Variants in DCST1 observed in about 807,000 individuals in gnomAD.
The protein encoded by DCST1 is DC-STAMP domain containing 1, also known as E3 ubiquitin-protein ligase DCST1.
In DCST1, 78 loss-of-function variants were observed where a neutral mutation model predicts 89.1. The ratio of observed to expected loss-of-function variants is 0.88; its 90% CI spans 0.73 to 1.06. The LOEUF is 1.06. Ranked by LOEUF, DCST1 falls within the 50% of genes least tolerant of loss-of-function variation. DCST1 has a pLI of 0.00. For missense variants in DCST1, 900 were observed against 928.6 expected (o/e 0.97, Z 0.40); for synonymous variants, 364 against 371.9 (o/e 0.98, Z 0.24).
At chr1:155,048,731 G>A (rs1660745163) in intron 16 of DCST1, among the ~76,000 whole-genome samples, 1 of 151,790 alleles carries the variant, frequency 6.6e-6, no homozygotes, top group African/African-American at 2.4e-5. Flanking sequence ...TTAGGAAGCA[G>A]GCAGAAAAGG....
Position 155,034,297 on chromosome 1 carries a change from T to A in DCST1, c.62-138T>A, listed in dbSNP as rs754697415. 3 of 1,595,004 alleles carry A rather than the reference T, an allele frequency of 1.9e-6. No homozygotes were observed. In the South Asian group the frequency reaches 3.3e-5, roughly 18 times the overall value. Reference sequence around the variant, plus strand: ...ACCACTTCCTCAGGCTCCCTCATCCTCCTCCAGGGTCCCCTAAGTTCCTAC... The same window carrying A: ...ACCACTTCCTCAGGCTCCCTCATCCACCTCCAGGGTCCCCTAAGTTCCTAC... On this transcript the variant is annotated intron_variant, in intron 2 of 16. Transcript: ENST00000295542.
chr1:155,047,681 A>G, intron 14 of DCST1, 106 bp from the exon 15 acceptor site: 1 of 988,106 alleles, frequency 1.0e-6, no homozygotes, highest in Non-Finnish European at 1.5e-6. Context: ...GGAGGAGAGC[A>G]GGGGAATCAG....
chr1:155,043,763 C>G (rs977260386), intron 10 of DCST1, among the ~76,000 whole-genome samples: 2 of 152,200 alleles, frequency 1.3e-5, no homozygotes, highest in Admixed American at 6.6e-5. Flanking sequence ...TATCCCAATA[C>G]TGATTTTTTT....
chr1:155,034,630 T>C, intron 3 of DCST1, 23 bp from the exon 4 acceptor site: 1 of 1,614,174 alleles, frequency 6.2e-7, no homozygotes, highest in South Asian at 1.1e-5. Context: ...CTTTTGGCCT[T>C]TGGCTTGACC....
chr1:155,041,023 T>C (rs1273602324), intron 6 of DCST1, among the ~76,000 whole-genome samples: 1 of 151,430 alleles, frequency 6.6e-6, no homozygotes, highest in East Asian at 1.9e-4. Context: ...ACATGGGGGC[T>C]GAGGGGTTTG....
chr1:155,039,662 T>C (rs1291745219), intron 5 of DCST1, 131 bp downstream of exon 5: 2 of 1,233,592 alleles, frequency 1.6e-6, no homozygotes, highest in Admixed American at 3.2e-5. Context: ...TGTATGTCCC[T>C]GAGGGAGCTC....
At position 155,034,439 on chromosome 1, in the gene DCST1, G is replaced by T; in HGVS notation, c.66G>T (p.Val22=). 6.2e-7 allele frequency: 1 copy of T among 1,614,048 alleles called. No homozygotes were observed. Among genetic ancestry groups the T allele is most frequent in the Non-Finnish European group, 8.5e-7 (1 of 1,180,038 alleles). ...GQRRKQPHTT[V]QRLLTWGLPV... ...GCTACCCTGTCCCCCTCTTAGCGGT[G>T]CAGAGGCTCCTGACCTGGGGGCTGC... is the stretch of plus-strand genomic sequence containing the variant. The change falls in exon 3 of 17, where the codon GTG becomes GTT. Residue 22 remains valine, a synonymous_variant. Coordinates refer to ENST00000295542, the MANE Select transcript of DCST1 (RefSeq NM_152494.4).
chr1:155,035,393 C>T (rs1046277923), intron 4 of DCST1, among the ~76,000 whole-genome samples: 1 of 152,128 alleles, frequency 6.6e-6, no homozygotes, highest in Non-Finnish European at 1.5e-5. Context: ...AACTTCTGAC[C>T]TCAAAAGATC....
intron 4 of DCST1, among the ~76,000 whole-genome samples, chr1:155,035,422 A>G (rs1327150138): frequency 1.3e-5 from 2 of 151,954 alleles, no homozygotes; most frequent in African/African-American, 2.4e-5. Context: ...TCGGCCTCCC[A>G]AAGTTCTGGG....
intron 13 of DCST1, among the ~76,000 whole-genome samples, chr1:155,046,950 C>A (rs571154037): frequency 6.6e-6 from 1 of 152,254 alleles, no homozygotes; most frequent in Admixed American, 6.5e-5. Context: ...CAGCCCCTCC[C>A]TGTCCTCCTC....
intron 14 of DCST1, 43 bp from the exon 15 acceptor site, chr1:155,047,744 C>T (rs377078307): frequency 1.3e-6 from 2 of 1,597,478 alleles, no homozygotes; most frequent in African/African-American, 2.7e-5. Context: ...TGCCCTGCCC[C>T]TTGGCTGGTC....
chr1:155,041,885 G>T, intron 8 of DCST1, 28 bp downstream of exon 8: 1 of 1,613,520 alleles, frequency 6.2e-7, no homozygotes, highest in East Asian at 2.2e-5. Context: ...GGGGTGGGGA[G>T]CATCGGGGTA....
intron 8 of DCST1, among the ~76,000 whole-genome samples, chr1:155,042,359 A>T (rs1286195174): frequency 6.6e-6 from 1 of 152,152 alleles, no homozygotes; most frequent in Non-Finnish European, 1.5e-5. Flanking sequence ...TCAGCCTCCC[A>T]AAGTGCTGGG....
rs557969013 is a variant in DCST1 at position 155,042,432 on chromosome 1, C to T, written c.893-303C>T. The stretch of plus-strand genomic sequence containing the variant: ...GGCTTTTAAGGATTTATGGGGCTAA[C>T]GTATGTGAAGGCAGTGGCAGAGCTG... On this transcript the variant is annotated intron_variant, in intron 8 of 16. Transcript: ENST00000295542. Among the ~76,000 whole-genome samples the T allele has an allele frequency of 3.7e-4, 56 of 152,284 alleles. 1 individual carries two copies. In the South Asian group the frequency reaches 0.011, roughly 29 times the overall value.
intron 10 of DCST1, among the ~76,000 whole-genome samples, 175 bp downstream of exon 10, chr1:155,043,684 G>A (rs952891070): frequency 6.6e-6 from 1 of 152,088 alleles, no homozygotes; most frequent in Admixed American, 6.5e-5. Flanking sequence ...TTTGTCAGAA[G>A]AACATTACCC....
chr1:155,043,421 T>TACGTGTACC lies in DCST1; in HGVS notation c.1085_1093dup (p.Tyr364_Arg365insHisValTyr), dbSNP rs779054282. 21 of 1,611,370 alleles carry TACGTGTACC rather than the reference T, an allele frequency of 1.3e-5. No homozygotes were observed. The highest frequency in any genetic ancestry group is 2.7e-5 in the African/African-American group (2 of 74,868). On this transcript the variant is annotated inframe_insertion, in exon 10 of 17. Coordinates refer to ENST00000295542, the MANE Select transcript of DCST1 (RefSeq NM_152494.4). Reference sequence around the variant, plus strand: ...GCGCGTGAGCACCGAGGTGCGGGACTACGTGTACCGCCAGGAGGCCCGGCT... The same window carrying TACGTGTACC: ...GCGCGTGAGCACCGAGGTGCGGGACTACGTGTACCACGTGTACCGCCAGGAGGCCCGGCT...
chr1:155,034,240 C>A, intron 2 of DCST1, 143 bp downstream of exon 2: 1 of 1,536,342 alleles, frequency 6.5e-7, no homozygotes. Context: ...CCTCCCAGCC[C>A]AGCCCTTGCC....
chr1:155,048,093 C>A lies in DCST1; in HGVS notation c.1792C>A (p.Leu598Ile). 1 of 1,614,052 alleles carries A rather than the reference C, an allele frequency of 6.2e-7. No individual in the cohort carries two copies. Among genetic ancestry groups the A allele is most frequent in the South Asian group, 1.1e-5 (1 of 91,056 alleles). ...GCGGATCCTGTTCCTCTACAATGAC[C>A]TATTGAAGAAAAGAGCAGCCTTCAC... ...KKRILFLYND[L>I]LKKRAAFTKL... The change falls in exon 16 of 17, where the codon CTA (leucine) becomes ATA (isoleucine). Residue 598 changes from leucine (L) to isoleucine (I), a missense_variant. Leu to Ile is a conservative substitution (Grantham distance 5). Coordinates refer to ENST00000295542, the MANE Select transcript of DCST1 (RefSeq NM_152494.4).
At chr1:155,036,497 T>C (rs11264297) in intron 4 of DCST1, among the ~76,000 whole-genome samples, 65,229 of 152,106 alleles carry the variant, frequency 0.43, 14,966 homozygotes, top group East Asian at 0.87. Context: ...TCCCCATCCC[T>C]TGCGCCCCCA....
Sources: gnomAD v4.1 joint callset for allele counts (sites outside exome capture counted in the v4.1 genomes callset) on GRCh38, gnomAD v4.1.1 for gene constraint, MANE v1.5 for transcripts, NCBI Gene and HGNC (gene_info 2026-07-23, HGNC 2026-07-21) for gene names.